STRA6: variants seen among roughly 807,000 people sequenced by gnomAD.
The protein encoded by STRA6 is signaling receptor and transporter of retinol STRA6, also known as receptor for retinol uptake STRA6.
A neutral mutation model predicts 83.6 loss-of-function variants in STRA6; 48 were observed. That is an observed-to-expected ratio of 0.57 (90% confidence interval 0.46 to 0.73). The LOEUF (loss-of-function observed/expected upper bound fraction) is 0.73. Among genes scored for constraint, STRA6 ranks in the 30% least tolerant of loss-of-function variants. The pLI, the probability that STRA6 is intolerant of heterozygous loss-of-function variation, is 0.00. For synonymous variants in STRA6, 353 were observed against 362.3 expected, an observed-to-expected ratio of 0.97 and a Z score of 0.29; for missense variants, 760 against 838.8, an observed-to-expected ratio of 0.91 and a Z score of 1.16.
In STRA6 at chr15:74,181,106, A is replaced by G. The variant is rs137973869; in HGVS notation, c.1685-169T>C. On this transcript the variant is annotated intron_variant, in intron 17 of 18. Coordinates refer to ENST00000395105, the MANE Select transcript of STRA6 (RefSeq NM_022369.4). ...CTGCATGGGCACGTGTGGACCTGCT[A>G]GAACACCCCACATCCACTGCACGTG... is the stretch of plus-strand genomic sequence containing the variant. Among the ~76,000 whole-genome samples, 289 of 152,242 alleles carry G rather than the reference A, an allele frequency of 1.9e-3. 3 individuals carry two copies. The highest frequency in any genetic ancestry group is 6.9e-3 in the African/African-American group (287 of 41,556).
upstream of STRA6, chr15:74,202,986 T>G: frequency 1.1e-6 from 1 of 937,414 alleles, no homozygotes; most frequent in Non-Finnish European, 1.3e-6. Context: ...CCCCCGCACC[T>G]GACTTCACAC....
upstream of STRA6, chr15:74,209,680 G>A (rs543873906): frequency 1.3e-5 from 7 of 528,310 alleles, no homozygotes; most frequent in African/African-American, 3.8e-5. Context: ...CTGGACAGTC[G>A]GCTGCATCCC....
At chr15:74,207,725 A>G (rs1429434815), upstream of STRA6, 3 of 1,535,634 alleles carry the variant, frequency 2.0e-6, no homozygotes, top group Non-Finnish European at 2.6e-6. Context: ...TTGAGAGTCC[A>G]TGAATAAGCA....
rs1187545644 is a variant in STRA6 at position 74,179,778 on chromosome 15, A to T, written c.*302T>A. Reference sequence around the variant, plus strand: ...ATCGAGGCCCTTCAAGGCTGATGGCAGAGCCAGGGTAGGGAGACGCCTGGA... The same window carrying T: ...ATCGAGGCCCTTCAAGGCTGATGGCTGAGCCAGGGTAGGGAGACGCCTGGA... On this transcript the variant is annotated 3_prime_UTR_variant, in exon 19 of 19. Transcript: ENST00000395105. The T allele has an allele frequency of 1.6e-5, 6 of 370,680 alleles. No individual in the cohort carries two copies. The highest frequency in any genetic ancestry group is 3.0e-5 in the Non-Finnish European group (6 of 200,598). The allele number at this position is 370,680 out of a possible 1,614,324, so 23.0% of individuals were successfully genotyped here. A position where few individuals can be genotyped will look rare whatever the true frequency, so the allele number is the denominator to read the frequency against.
chr15:74,208,796 C>T, intron 1 of STRA6: 1 of 989,048 alleles, frequency 1.0e-6, no homozygotes. Context: ...TGGCTCCAGC[C>T]TACCTCCAAT....
intron 2 of STRA6, among the ~76,000 whole-genome samples, chr15:74,201,330 C>G (rs903051574): frequency 1.3e-5 from 2 of 152,202 alleles, no homozygotes; most frequent in Admixed American, 6.5e-5. Flanking sequence ...TTCTACTTCT[C>G]CAAACCGTCA....
intron 1 of STRA6, 72 bp downstream of exon 1, chr15:74,202,641 G>C: frequency 1.4e-6 from 2 of 1,422,596 alleles, no homozygotes; most frequent in Middle Eastern, 2.5e-4. Context: ...GGCTTGTCCA[G>C]TCTGAGCTGC....
At chr15:74,196,212 A>T in intron 4 of STRA6, 65 bp from the exon 5 acceptor site, 1 of 1,598,414 alleles carries the variant, frequency 6.3e-7, no homozygotes, top group Non-Finnish European at 8.5e-7. Context: ...ATTACCTCCC[A>T]GCTGTATTCC....
intron 2 of STRA6, among the ~76,000 whole-genome samples, chr15:74,200,387 A>G (rs935763104): frequency 2.0e-5 from 3 of 152,158 alleles, no homozygotes. Flanking sequence ...GTCAGGTGAG[A>G]TGAGGTTACA....
intron 2 of STRA6, among the ~76,000 whole-genome samples, chr15:74,198,796 G>A (rs2073933907): frequency 6.6e-6 from 1 of 152,228 alleles, no homozygotes; most frequent in Non-Finnish European, 1.5e-5. Flanking sequence ...TAATTCCACA[G>A]AGGCTCCCTA....
At chr15:74,193,960 T>C (rs201623920) in intron 7 of STRA6, 38 bp from the exon 8 acceptor site, 354 of 1,608,626 alleles carry the variant, frequency 2.2e-4, no homozygotes, top group Non-Finnish European at 2.7e-4. Context: ...ACTTTCCACC[T>C]TCTTCCCCCA....
intron 8 of STRA6, among the ~76,000 whole-genome samples, chr15:74,192,347 C>T (rs2073589186): frequency 6.6e-6 from 1 of 152,140 alleles, no homozygotes; most frequent in East Asian, 1.9e-4. Flanking sequence ...ACACAGGCTT[C>T]CTCGAGGGGT....
chr15:74,182,768 T>C, intron 14 of STRA6: 1 of 377,068 alleles, frequency 2.7e-6, no homozygotes. Flanking sequence ...CAGTTTCTCC[T>C]GAGTTTGAGT....
In STRA6 at chr15:74,190,975, C is replaced by A. The variant is rs779763927; in HGVS notation, c.866-74G>T. ...GGGAGCCCTCCTCCCTCCCAAGGGG[C>A]CCAGGAAAAGGGCCAGCAGGACCCT... On this transcript the variant is annotated intron_variant, in intron 10 of 18. Transcript: ENST00000395105. 6.9e-6 allele frequency: 11 copies of A among 1,604,924 alleles called. No homozygotes were observed. In the Admixed American group the frequency reaches 1.4e-4, roughly 20 times the overall value.
chr15:74,203,195 T>C, upstream of STRA6: 1 of 980,058 alleles, frequency 1.0e-6, no homozygotes, highest in Non-Finnish European at 1.2e-6. Context: ...GCAACATGTG[T>C]CTCATTGGTA....
rs982003651 is a variant in STRA6 at position 74,194,802 on chromosome 15, C to T, written c.597+500G>A. The T allele has an allele frequency of 1.2e-5, 15 of 1,299,930 alleles. No homozygotes were observed. In the African/African-American group the frequency reaches 2.0e-4, roughly 17 times the overall value. The allele number at this position is 1,299,930 out of a possible 1,614,324, so 80.5% of individuals were successfully genotyped here. ...ACACTCAGGTTGTCTGGCTCTAAAG[C>T]CTGTACCATCACTCTTTGAGTTCTA... On this transcript the variant is annotated intron_variant, in intron 7 of 18. Transcript: ENST00000395105.
chr15:74,192,541 G>A (rs976024956), intron 8 of STRA6, among the ~76,000 whole-genome samples: 7 of 152,204 alleles, frequency 4.6e-5, no homozygotes, highest in South Asian at 2.1e-4. Flanking sequence ...GTTAACACCC[G>A]GTCCCAGCCC....
At position 74,207,898 on chromosome 15, in the gene STRA6, G is replaced by A. The variant is rs371969752; in HGVS notation, c.-16+902C>T. 10 of 1,489,536 alleles carry A rather than the reference G, an allele frequency of 6.7e-6. 1 individual carries two copies. Among genetic ancestry groups the A allele is most frequent in the South Asian group, 6.5e-5 (5 of 76,454 alleles). The allele number at this position is 1,489,536 out of a possible 1,614,324, so 92.3% of individuals were successfully genotyped here. ...CAGTGGGCTGGAAGGCAGTGTCGTC[G>A]GCTGCCGTGCTCACGGCAGGAAGAG... On this transcript the variant is annotated intron_variant, in intron 1 of 18. Transcript: ENST00000323940.
intron 14 of STRA6, chr15:74,182,662 T>C (rs1238138952): frequency 5.1e-6 from 3 of 585,456 alleles, no homozygotes; most frequent in African/African-American, 3.7e-5. Flanking sequence ...ATGGGGATAA[T>C]AGTCCCTACC....
Sources: allele counts gnomAD v4.1 joint callset (sites outside exome capture counted in the v4.1 genomes callset), GRCh38; gene constraint gnomAD v4.1.1; transcripts MANE v1.5; gene names NCBI Gene and HGNC (gene_info 2026-07-23, HGNC 2026-07-21).